The following DOT1L variants were observed in gnomAD, a reference collection of about 807,000 sequenced individuals.
DOT1L encodes DOT1 like histone lysine methyltransferase.
A neutral mutation model predicts 153.3 loss-of-function variants in DOT1L; 33 were observed. That is an observed-to-expected ratio of 0.22 (90% confidence interval 0.16 to 0.29). The LOEUF (loss-of-function observed/expected upper bound fraction) is 0.29. Among genes scored for constraint, DOT1L ranks in the 10% least tolerant of loss-of-function variants. The pLI, the probability that DOT1L is intolerant of heterozygous loss-of-function variation, is 1.00. For synonymous variants in DOT1L, 1,135 were observed against 965.1 expected (o/e 1.18, Z -3.26); for missense variants, 1,847 against 2,119.9 (o/e 0.87, Z 2.53).
At chr19:2,175,383 C>T (rs2021875634) in intron 1 of DOT1L, among the ~76,000 whole-genome samples, 1 of 152,178 alleles carries the variant, frequency 6.6e-6, no homozygotes, top group Non-Finnish European at 1.5e-5. Flanking sequence ...TCACTGTGGC[C>T]TCAAACTCCT....
chr19:2,178,726 C>T (rs575873588), intron 1 of DOT1L, among the ~76,000 whole-genome samples: 105 of 150,784 alleles, frequency 7.0e-4, no homozygotes, highest in African/African-American at 2.5e-3. Context: ...CGGCCACGCC[C>T]AGCTAATTTT....
Position 2,230,096 on chromosome 19 carries a change from G to T in DOT1L, c.*304G>T. ...GAAATATAAATATCTATATATGAGA[G>T]CTCTATATAAAGACACGTGTCTGCA... is the stretch of plus-strand genomic sequence containing the variant. On this transcript the variant is annotated 3_prime_UTR_variant, in exon 28 of 28. Transcript: ENST00000398665. 1 of 568,824 alleles carries T rather than the reference G, an allele frequency of 1.8e-6. No individual in the cohort carries two copies. The highest frequency in any genetic ancestry group is 3.1e-6 in the Non-Finnish European group (1 of 325,152). The allele number at this position is 568,824 out of a possible 1,614,324, so 35.2% of individuals were successfully genotyped here.
intron 8 of DOT1L, among the ~76,000 whole-genome samples, chr19:2,201,806 C>G (rs549882501): frequency 2.6e-5 from 4 of 152,380 alleles, no homozygotes; most frequent in African/African-American, 9.6e-5. Flanking sequence ...CTGCCAGCCT[C>G]GCTGCCTTGT....
intron 3 of DOT1L, among the ~76,000 whole-genome samples, chr19:2,187,862 C>T (rs948078602): frequency 1.3e-5 from 2 of 148,566 alleles, no homozygotes; most frequent in African/African-American, 5.0e-5. Flanking sequence ...GCGGAGCTTG[C>T]AGTGAGCTGA....
chr19:2,214,695 C>A (rs1241725952), intron 19 of DOT1L, 99 bp downstream of exon 19: 5 of 1,497,318 alleles, frequency 3.3e-6, no homozygotes, highest in Non-Finnish European at 4.5e-6. Context: ...TTGCAGCAGC[C>A]TAGGAAGAAG....
At chr19:2,176,588 T>G (rs2021948760) in intron 1 of DOT1L, among the ~76,000 whole-genome samples, 1 of 152,200 alleles carries the variant, frequency 6.6e-6, no homozygotes. Context: ...CCCAGGAACA[T>G]TCTCTGTTCC....
At position 2,164,307 on chromosome 19, in the gene DOT1L, T is replaced by C. The variant is rs1178985819; in HGVS notation, c.81+42T>C. 15 of 1,210,328 alleles carry C rather than the reference T, an allele frequency of 1.2e-5. No homozygotes were observed. The Admixed American group carries it at 2.6e-4, about 21-fold the overall frequency. The allele number at this position is 1,210,328 out of a possible 1,614,324, so 75.0% of individuals were successfully genotyped here. On this transcript the variant is annotated intron_variant, in intron 1 of 27. Transcript: ENST00000398665. ...ACCGTCCCTACCTCCCGGCCTCCCC[T>C]CCTCCGCCGCCCCTGGGGACACCCC...
In DOT1L at chr19:2,208,911, CA is replaced by C. The variant is rs1272407359; in HGVS notation, c.964-23del. 1 of 1,610,758 alleles carries C rather than the reference CA, an allele frequency of 6.2e-7. No homozygotes were observed. The highest frequency in any genetic ancestry group is 8.5e-7 in the Non-Finnish European group (1 of 1,178,496). ...ACAGAGATTGGGACTCCCTTCTAAT[CA>C]GGGTTCTCTTTCTTCTTTTTAGCTT... is the stretch of plus-strand genomic sequence containing the variant. On this transcript the variant is annotated intron_variant, in intron 11 of 27. Transcript: ENST00000398665. The surrounding 1 kb of genome is among the most constrained non-coding windows in gnomAD (Gnocchi z 4.4).
intron 9 of DOT1L, 46 bp from the exon 10 acceptor site, chr19:2,206,683 C>G: frequency 6.2e-7 from 1 of 1,601,306 alleles, no homozygotes; most frequent in Non-Finnish European, 8.6e-7. Flanking sequence ...GTCTGCTCTT[C>G]TGTTTCCTCT....
rs965695597 is a variant in DOT1L, at chr19:2,232,135, C to CG, written c.*2347dup. The stretch of plus-strand genomic sequence containing the variant: ...GGCCTGAGTTTCCGTGGGCAGCTGG[C>CG]GGGGACCTGTGCTGCTGCTGCTGAC... On this transcript the variant is annotated 3_prime_UTR_variant, in exon 28 of 28. Transcript: ENST00000398665. 2 of 198,720 alleles carry CG rather than the reference C, an allele frequency of 1.0e-5. No homozygotes were observed. The highest frequency in any genetic ancestry group is 1.2e-4 in the Admixed American group (2 of 16,470). 12.3% of individuals were successfully genotyped at this position (198,720 alleles called of 1,614,324 possible).
In DOT1L at chr19:2,227,623, G is replaced by A. The variant is rs986026756; in HGVS notation, c.4606+496G>A. The A allele has an allele frequency of 1.3e-5, 15 of 1,155,178 alleles. No individual in the cohort carries two copies. The African/African-American group carries it at 2.4e-4, about 18-fold the overall frequency. The allele number at this position is 1,155,178 out of a possible 1,614,324, so 71.6% of individuals were successfully genotyped here. A position where few individuals can be genotyped will look rare whatever the true frequency, so the allele number is the denominator to read the frequency against. On this transcript the variant is annotated intron_variant, in intron 27 of 27. Transcript: ENST00000398665. ...GAGCCGCTGCTTGTGCTTGGTGCCC[G>A]CACACGCCTGGCGGCGCCGTTTCGC...
rs1377545025 is a variant in DOT1L, at chr19:2,197,686, C to G, written c.652-2198C>G. Among the ~76,000 whole-genome samples the G allele has an allele frequency of 6.6e-6, 1 of 152,136 alleles. No individual in the cohort carries two copies. Among genetic ancestry groups the G allele is most frequent in the Non-Finnish European group, 1.5e-5 (1 of 68,012 alleles). On this transcript the variant is annotated intron_variant, in intron 7 of 27. Transcript: ENST00000398665. This position sits in a 1 kb window ranked among gnomAD's most constrained non-coding sequence, Gnocchi z 4.1. The stretch of plus-strand genomic sequence containing the variant: ...GGTGCTCACGGTCAGGCCAGTGGCT[C>G]CTGAGATGTGTCTGGGAGCATGATT...
At chr19:2,211,657 C>A in intron 15 of DOT1L, 94 bp from the exon 16 acceptor site, 1 of 1,114,464 alleles carries the variant, frequency 9.0e-7, no homozygotes, top group South Asian at 1.5e-5. Context: ...TGACACCTGC[C>A]GAGGCCTGGG....
Position 2,208,504 on chromosome 19 carries a change from GC to G in DOT1L, c.964-430del, listed in dbSNP as rs1319592746. 6.6e-6 allele frequency among the ~76,000 whole-genome samples: 1 copy of G among 152,174 alleles called. No individual in the cohort carries two copies. Among genetic ancestry groups the G allele is most frequent in the Non-Finnish European group, 1.5e-5 (1 of 68,016 alleles). ...AGAGGCATGGTGAGCTGAGGCTGAG[GC>G]TCTGGGGGCTTGGCCTACCGTGCGG... On this transcript the variant is annotated intron_variant, in intron 11 of 27. Coordinates refer to ENST00000398665, the MANE Select transcript of DOT1L (RefSeq NM_032482.3). The surrounding 1 kb of genome is among the most constrained non-coding windows in gnomAD (Gnocchi z 4.4).
Position 2,213,879 on chromosome 19 carries a change from C to A in DOT1L, c.1690C>A (p.Leu564Met). Residue 564 changes from leucine (L) to methionine (M), a missense_variant, in exon 18 of 28, where the codon CTG (leucine) becomes ATG (methionine). Physicochemically the swap from Leu to Met is conservative, Grantham distance 15 (BLOSUM62 2). Coordinates refer to ENST00000398665, the MANE Select transcript of DOT1L (RefSeq NM_032482.3). ...LGVKALTYND[L>M]IQAQKEISAH... ...TGTGAAGGCGCTGACCTACAACGAC[C>A]TGATTCAAGCGCAGAAGGAGATCTC... 1 of 1,613,126 alleles carries A rather than the reference C, an allele frequency of 6.2e-7. No individual in the cohort carries two copies. The highest frequency in any genetic ancestry group is 8.5e-7 in the Non-Finnish European group (1 of 1,180,022).
chr19:2,171,359 C>A (rs761048467), intron 1 of DOT1L, among the ~76,000 whole-genome samples: 1 of 152,240 alleles, frequency 6.6e-6, no homozygotes, highest in Non-Finnish European at 1.5e-5. Flanking sequence ...GAGCCCTCTT[C>A]TTCCTGCCTG....
chr19:2,219,658 A>G (rs1212922639), intron 22 of DOT1L, among the ~76,000 whole-genome samples: 2 of 151,940 alleles, frequency 1.3e-5, no homozygotes, highest in Non-Finnish European at 2.9e-5. Flanking sequence ...CACTCTACTG[A>G]CCTTTGTTGG....
Position 2,204,396 on chromosome 19 carries a change from A to G in DOT1L, c.787+1617A>G, listed in dbSNP as rs1260135009. ...CGTGTGGCAGTGGTGTTTCTGACTT[A>G]TCTTAGAACCACGTGAGGACACCAT... On this transcript the variant is annotated intron_variant, in intron 9 of 27. Transcript: ENST00000398665. The surrounding 1 kb of genome is among the most constrained non-coding windows in gnomAD (Gnocchi z 5.7). Among the ~76,000 whole-genome samples, 1 of 151,844 alleles carries G rather than the reference A, an allele frequency of 6.6e-6. No homozygotes were observed. The highest frequency in any genetic ancestry group is 2.4e-5 in the African/African-American group (1 of 41,310).
At chr19:2,229,668 G>A (rs1599634421) in intron 27 of DOT1L, 117 bp from the exon 28 acceptor site, 1 of 1,600,212 alleles carries the variant, frequency 6.2e-7, no homozygotes, top group Non-Finnish European at 8.5e-7. Context: ...TCATGGTGCT[G>A]GCCCCAGGTG....
Sources: allele counts gnomAD v4.1 joint callset (sites outside exome capture counted in the v4.1 genomes callset), GRCh38; gene constraint gnomAD v4.1.1; non-coding constraint Gnocchi (gnomAD v3.1); transcripts MANE v1.5; gene names NCBI Gene and HGNC (gene_info 2026-07-23, HGNC 2026-07-21).